The following SHISA9 variants were observed in gnomAD, a reference collection of about 807,000 sequenced individuals.
The protein encoded by SHISA9 is protein shisa-9.
SHISA9 carries 13 observed loss-of-function variants against 38.0 expected under a neutral mutation model. The ratio of observed to expected loss-of-function variants is 0.34; its 90% confidence interval spans 0.22 to 0.54. The LOEUF (loss-of-function observed/expected upper bound fraction) is 0.54, where lower values mean the gene tolerates loss of function less well. SHISA9 is among the 20% of genes least tolerant of loss of function. The probability of loss-of-function intolerance (pLI) is 0.91; values close to 1 mark genes in which losing one functional copy is unlikely to be tolerated. For missense variants in SHISA9, 538 were observed against 575.8 expected (o/e 0.93, Z 0.67); for synonymous variants, 275 against 242.0 (o/e 1.14, Z -1.27).
At chr16:12,978,262 A>G (rs2072191974) in intron 2 of SHISA9, among the ~76,000 whole-genome samples, 2 of 152,234 alleles carry the variant, frequency 1.3e-5, no homozygotes, top group Non-Finnish European at 2.9e-5. Flanking sequence ...CTTACTGTTT[A>G]TTCTGGAAGA....
chr16:13,262,270 A>C, the SHISA9 span, among the ~76,000 whole-genome samples: 1 of 152,220 alleles, frequency 6.6e-6, no homozygotes, highest in African/African-American at 2.4e-5. Flanking sequence ...AACTGATGAG[A>C]GGCAGCTGAG....
chr16:13,495,323 G>A, the SHISA9 span, among the ~76,000 whole-genome samples: 1 of 152,096 alleles, frequency 6.6e-6, no homozygotes, highest in Non-Finnish European at 1.5e-5. Context: ...AAGTTACACA[G>A]GATGGTACCT....
intron 1 of SHISA9, among the ~76,000 whole-genome samples, chr16:12,915,578 T>C (rs2071243053): frequency 6.6e-6 from 1 of 152,250 alleles, no homozygotes; most frequent in Non-Finnish European, 1.5e-5. Context: ...CAGCTGTTTG[T>C]AGCTGCCATC....
the SHISA9 span, among the ~76,000 whole-genome samples, chr16:13,369,547 T>A: frequency 6.6e-6 from 1 of 151,724 alleles, no homozygotes; most frequent in East Asian, 1.9e-4. Context: ...AGAAGTAAGG[T>A]GAGCTGTAAA....
At chr16:13,078,172 T>C (rs1301965148) in intron 2 of SHISA9, among the ~76,000 whole-genome samples, 4 of 152,230 alleles carry the variant, frequency 2.6e-5, no homozygotes, top group African/African-American at 9.6e-5. Flanking sequence ...TGCCTCTTAG[T>C]ATCCGCAGGG....
chr16:13,401,597 A>T, the SHISA9 span, among the ~76,000 whole-genome samples: 1 of 152,162 alleles, frequency 6.6e-6, no homozygotes, highest in East Asian at 1.9e-4. Flanking sequence ...CCCTTATAAG[A>T]AGAGAAAGAG....
In SHISA9 at chr16:13,016,567, G is replaced by T. The variant is rs117675914; in HGVS notation, c.691+99752G>T. Reference sequence around the variant, plus strand: ...TTCAAGTTTTTGGTAGTGGTTTTTTGTTGTTGTTGTTGTTGTTGTTTTTTG... The same window carrying T: ...TTCAAGTTTTTGGTAGTGGTTTTTTTTTGTTGTTGTTGTTGTTGTTTTTTG... On this transcript the variant is annotated intron_variant, in intron 2 of 4. Transcript: ENST00000558583. Among the ~76,000 whole-genome samples the T allele has an allele frequency of 5.5e-3, 832 of 152,110 alleles. 21 individuals carry two copies. The highest frequency in any genetic ancestry group is 0.051 in the East Asian group (262 of 5,170).
chr16:13,389,502 A>G, the SHISA9 span, among the ~76,000 whole-genome samples: 1 of 152,214 alleles, frequency 6.6e-6, no homozygotes, highest in Non-Finnish European at 1.5e-5. Flanking sequence ...CATCTTAAAT[A>G]TATACATTTA....
Position 12,951,220 on chromosome 16 carries a change from C to CAAAAAAA in SHISA9, c.691+34405_691+34406insAAAAAAA, listed in dbSNP as rs1567350239. ...TGGGTGACAGAGCAAGACTCCTTCTCCAAAAAAAAAAAAAAAAAAAAAAAA... is the reference window on the plus strand; with the variant it reads ...TGGGTGACAGAGCAAGACTCCTTCTCAAAAAAACAAAAAAAAAAAAAAAAAAAAAAAA... On this transcript the variant is annotated intron_variant, in intron 2 of 4. Transcript: ENST00000558583. Among the ~76,000 whole-genome samples the CAAAAAAA allele has an allele frequency of 6.4e-5, 5 of 77,686 alleles. 1 individual carries two copies. The highest frequency in any genetic ancestry group is 1.0e-3 in the South Asian group (2 of 2,010). The allele number at this position is 77,686 out of a possible 152,430, so 51.0% of individuals were successfully genotyped here.
intron 2 of SHISA9, among the ~76,000 whole-genome samples, chr16:12,958,322 TA>T (rs2071863827): frequency 6.6e-6 from 1 of 152,248 alleles, no homozygotes; most frequent in African/African-American, 2.4e-5. Context: ...AACAAAATTC[TA>T]ATGGACATCC....
intron 2 of SHISA9, among the ~76,000 whole-genome samples, chr16:13,176,329 G>C (rs1596704061): frequency 6.6e-6 from 1 of 152,170 alleles, no homozygotes; most frequent in South Asian, 2.1e-4. Context: ...CGAGTCATCT[G>C]TCCTGGACAC....
At chr16:13,357,385 T>G in the SHISA9 span, among the ~76,000 whole-genome samples, 1 of 151,226 alleles carries the variant, frequency 6.6e-6, no homozygotes. Context: ...GGTTGAGGGA[T>G]AGTGAGGGAG....
At chr16:13,340,475 C>T in the SHISA9 span, among the ~76,000 whole-genome samples, 2 of 152,136 alleles carry the variant, frequency 1.3e-5, no homozygotes, top group African/African-American at 4.8e-5. Context: ...GTGTTCCTGC[C>T]ATGTGACCTC....
intron 2 of SHISA9, among the ~76,000 whole-genome samples, chr16:13,064,706 T>C (rs1173727558): frequency 1.3e-5 from 2 of 151,896 alleles, no homozygotes; most frequent in Non-Finnish European, 2.9e-5. Flanking sequence ...CTTCAAATTT[T>C]TCTGTTTTCA....
chr16:13,341,783 C>T, the SHISA9 span, among the ~76,000 whole-genome samples: 1 of 152,132 alleles, frequency 6.6e-6, no homozygotes, highest in Non-Finnish European at 1.5e-5. Context: ...ACATTGATAA[C>T]AACATGTAAG....
chr16:13,273,073 G>A, the SHISA9 span, among the ~76,000 whole-genome samples: 1 of 152,054 alleles, frequency 6.6e-6, no homozygotes, highest in Non-Finnish European at 1.5e-5. Context: ...ATCAGAATTG[G>A]TACATTTCAC....
At position 13,024,481 on chromosome 16, in the gene SHISA9, G is replaced by T. The variant is rs367952291; in HGVS notation, c.691+107666G>T. On this transcript the variant is annotated intron_variant, in intron 2 of 4. Coordinates refer to ENST00000558583, the MANE Select transcript of SHISA9 (RefSeq NM_001145204.3). Reference sequence around the variant, plus strand: ...CCTTTTTGGCACCTGTGGCCATTTGGCACTGTGGGGGAGCCAGTCCCATAC... The same window carrying T: ...CCTTTTTGGCACCTGTGGCCATTTGTCACTGTGGGGGAGCCAGTCCCATAC... Among the ~76,000 whole-genome samples the T allele has an allele frequency of 1.4e-4, 21 of 152,350 alleles. No homozygotes were observed. The East Asian group carries it at 3.7e-3, about 27-fold the overall frequency.
the SHISA9 span, among the ~76,000 whole-genome samples, chr16:13,490,448 T>C: frequency 6.6e-6 from 1 of 152,064 alleles, no homozygotes; most frequent in Non-Finnish European, 1.5e-5. Context: ...ACCTGTAGTC[T>C]CAGCTCCTTG....
chr16:12,906,465 G>C (rs1243939345), intron 1 of SHISA9, among the ~76,000 whole-genome samples: 2 of 152,054 alleles, frequency 1.3e-5, no homozygotes, highest in Admixed American at 1.3e-4. Flanking sequence ...AAGCGGTGGG[G>C]GGAGGCTCGC....
Sources: gnomAD v4.1 joint callset for allele counts (sites outside exome capture counted in the v4.1 genomes callset) on GRCh38, gnomAD v4.1.1 for gene constraint, MANE v1.5 for transcripts, NCBI Gene and HGNC (gene_info 2026-07-23, HGNC 2026-07-21) for gene names.